FER: variants seen among roughly 807,000 people sequenced by gnomAD.
FER encodes tyrosine-protein kinase Fer.
A neutral mutation model predicts 111.0 loss-of-function variants in FER; 63 were observed. That is an observed-to-expected ratio of 0.57 (90% CI 0.46 to 0.70). FER has a LOEUF of 0.70. Among genes scored for constraint, FER ranks in the 30% least tolerant of loss-of-function variants. The pLI is 0.00. For missense variants in FER, 914 were observed against 954.0 expected (o/e 0.96, Z 0.55); for synonymous variants, 327 against 313.9 (o/e 1.04, Z -0.44).
intron 10 of FER, among the ~76,000 whole-genome samples, chr5:108,940,570 G>A (rs886613657): frequency 2.6e-5 from 4 of 151,964 alleles, no homozygotes; most frequent in East Asian, 3.9e-4. Flanking sequence ...TTTCATCCTC[G>A]GTGGAACTGT....
At chr5:108,808,171 T>C (rs1023481621) in intron 3 of FER, among the ~76,000 whole-genome samples, 1 of 152,106 alleles carries the variant, frequency 6.6e-6, no homozygotes, top group African/African-American at 2.4e-5. Context: ...TCAGAATTTC[T>C]TTCTTAGTTT....
chr5:108,788,536 T>C (rs1251623794), intron 2 of FER, among the ~76,000 whole-genome samples: 2 of 148,626 alleles, frequency 1.3e-5, no homozygotes, highest in Admixed American at 1.3e-4. Flanking sequence ...ACTAATATCT[T>C]TTTTTTTTTT....
chr5:108,882,842 A>G (rs925590215), intron 8 of FER, among the ~76,000 whole-genome samples: 2 of 151,822 alleles, frequency 1.3e-5, no homozygotes, highest in African/African-American at 4.8e-5. Context: ...GTGAGCGCAT[A>G]TTAATTTATG....
chr5:108,924,360 C>CAAAAAAAAAAAAAAA (rs59469649), intron 10 of FER, among the ~76,000 whole-genome samples: 4 of 99,086 alleles, frequency 4.0e-5, no homozygotes, highest in African/African-American at 1.5e-4. Flanking sequence ...AACTCTGTCT[C>CAAAAAAAAAAAAAAA]AAAAAAAAAA....
At chr5:108,898,501 T>TC (rs111845354) in intron 10 of FER, among the ~76,000 whole-genome samples, 18,153 of 147,788 alleles carry the variant, frequency 0.12, 1,172 homozygotes, top group African/African-American at 0.15. Flanking sequence ...CCTTCCTCTT[T>TC]CTCTCTCCTT....
intron 16 of FER, among the ~76,000 whole-genome samples, chr5:109,075,334 A>G (rs1405852836): frequency 6.6e-6 from 1 of 152,174 alleles, no homozygotes; most frequent in African/African-American, 2.4e-5. Context: ...TGATCTGTAA[A>G]TCAATAGCAA....
chr5:108,925,159 T>C (rs754426163), intron 10 of FER, among the ~76,000 whole-genome samples: 2 of 151,040 alleles, frequency 1.3e-5, no homozygotes, highest in Non-Finnish European at 3.0e-5. Flanking sequence ...CTGAGCCATG[T>C]TTCTCCTCAA....
rs186479384 is a variant in FER at position 109,121,068 on chromosome 5, A to G, written c.2048+20549A>G. On this transcript the variant is annotated intron_variant, in intron 17 of 19. Coordinates refer to ENST00000281092, the MANE Select transcript of FER (RefSeq NM_005246.4). ...AGGATAATTTGACTTTTTCTTTTCC[A>G]GTTTGGATGCTCTTTATTTCTTTCT... Among the ~76,000 whole-genome samples, 13 of 152,124 alleles carry G rather than the reference A, an allele frequency of 8.5e-5. No homozygotes were observed. In the East Asian group the frequency reaches 1.7e-3, roughly 20 times the overall value.
intron 17 of FER, among the ~76,000 whole-genome samples, chr5:109,120,620 T>C (rs1040050063): frequency 2.6e-5 from 4 of 152,180 alleles, no homozygotes; most frequent in African/African-American, 9.6e-5. Context: ...AGCTTTGTTT[T>C]TTTCTGTTTC....
intron 2 of FER, among the ~76,000 whole-genome samples, chr5:108,783,185 A>T (rs963848026): frequency 6.6e-6 from 1 of 151,984 alleles, no homozygotes; most frequent in Non-Finnish European, 1.5e-5. Flanking sequence ...GATTGGGTGA[A>T]TTCTGTTGTT....
chr5:108,928,496 T>C (rs1457706446), intron 10 of FER, among the ~76,000 whole-genome samples: 1 of 152,182 alleles, frequency 6.6e-6, no homozygotes, highest in Non-Finnish European at 1.5e-5. Context: ...TTAATAAGAA[T>C]AAAATAAATA....
intron 5 of FER, among the ~76,000 whole-genome samples, chr5:108,850,793 CACTT>C (rs1182484731): frequency 5.3e-5 from 8 of 152,216 alleles, no homozygotes; most frequent in Non-Finnish European, 1.0e-4. Flanking sequence ...TAATAATGGT[CACTT>C]ACAATGTTAG....
chr5:109,079,159 A>C (rs769021776), intron 16 of FER, among the ~76,000 whole-genome samples: 1 of 152,138 alleles, frequency 6.6e-6, no homozygotes, highest in Non-Finnish European at 1.5e-5. Context: ...ACAGATATTT[A>C]CCAGACCTAT....
rs561466656 is a variant in FER, at chr5:109,051,283, G to A, written c.1924+4085G>A. 122 of 1,382,276 alleles carry A rather than the reference G, an allele frequency of 8.8e-5. No homozygotes were observed. The African/African-American group carries it at 1.6e-3, about 18-fold the overall frequency. The allele number at this position is 1,382,276 out of a possible 1,614,324, so 85.6% of individuals were successfully genotyped here. A position where few individuals can be genotyped will look rare whatever the true frequency, so the allele number is the denominator to read the frequency against. On this transcript the variant is annotated intron_variant, in intron 16 of 19. Coordinates refer to ENST00000281092, the MANE Select transcript of FER (RefSeq NM_005246.4). The stretch of plus-strand genomic sequence containing the variant: ...CACCTTTTTTCTTCTCCACAAGTGA[G>A]AGGAATCTTGATACTTTCAAGCCTG...
In FER at chr5:108,844,005, TATATATATGTGTGTGAAC is replaced by T. The variant is rs1223095830; in HGVS notation, c.481+8259_481+8276del. Among the ~76,000 whole-genome samples the T allele has an allele frequency of 2.4e-3, 271 of 112,878 alleles. 4 individuals are homozygous for T. Among genetic ancestry groups the T allele is most frequent in the East Asian group, 0.01 (41 of 4,048 alleles). The allele number at this position is 112,878 out of a possible 152,430, so 74.1% of individuals were successfully genotyped here. Reference sequence around the variant, plus strand: ...TCTCTGTTTCGCCTCTTTCTATGTATATATATATGTGTGTGAACATATATATGTGTGTGAACATATATA... The same window carrying T: ...TCTCTGTTTCGCCTCTTTCTATGTATATATATATGTGTGTGAACATATATA... On this transcript the variant is annotated intron_variant, in intron 5 of 19. Transcript: ENST00000281092.
At chr5:108,827,291 A>T (rs556849050) in intron 3 of FER, among the ~76,000 whole-genome samples, 2 of 152,290 alleles carry the variant, frequency 1.3e-5, no homozygotes, top group Non-Finnish European at 2.9e-5. Flanking sequence ...CCTTCCTCCT[A>T]TTCCTCAACC....
chr5:109,006,005 A>G (rs1280944185), intron 13 of FER, among the ~76,000 whole-genome samples: 1 of 152,250 alleles, frequency 6.6e-6, no homozygotes, highest in African/African-American at 2.4e-5. Flanking sequence ...TTTAACCAGT[A>G]TTGATTAACT....
intron 17 of FER, among the ~76,000 whole-genome samples, chr5:109,176,611 G>T (rs1033040106): frequency 6.6e-5 from 10 of 152,126 alleles, no homozygotes; most frequent in Non-Finnish European, 8.8e-5. Context: ...TTCTCAAGAA[G>T]GCAGAAGGGA....
chr5:108,992,783 G>A (rs1183141796), intron 13 of FER, among the ~76,000 whole-genome samples: 16 of 151,192 alleles, frequency 1.1e-4, no homozygotes, highest in East Asian at 2.0e-4. Flanking sequence ...CTTCTCAGAC[G>A]GGGCGGTTGC....
Sources: allele counts gnomAD v4.1 joint callset (sites outside exome capture counted in the v4.1 genomes callset), GRCh38; gene constraint gnomAD v4.1.1; transcripts MANE v1.5; gene names NCBI Gene and HGNC (gene_info 2026-07-23, HGNC 2026-07-21).